Variants in GRM8 observed in about 807,000 individuals in gnomAD.
The protein encoded by GRM8 is glutamate metabotropic receptor 8.
A neutral mutation model predicts 87.2 loss-of-function variants in GRM8; 47 were observed. That is an observed-to-expected ratio of 0.54 (90% CI 0.43 to 0.69). The LOEUF (loss-of-function observed/expected upper bound fraction) is 0.69, where lower values mean the gene tolerates loss of function less well. GRM8 is among the 30% of genes least tolerant of loss of function. GRM8 has a pLI of 0.00. For synonymous variants in GRM8, 396 were observed against 404.5 expected (o/e 0.98, Z 0.25); for missense variants, 1,019 against 1,139.2 (o/e 0.89, Z 1.52).
At chr7:126,952,235 T>C (rs983650748) in intron 3 of GRM8, among the ~76,000 whole-genome samples, 3 of 152,100 alleles carry the variant, frequency 2.0e-5, no homozygotes, top group Middle Eastern at 3.4e-3. Flanking sequence ...AGTTAAATAA[T>C]AATATTAGAA....
intron 7 of GRM8, among the ~76,000 whole-genome samples, chr7:126,676,579 C>A (rs1806976009): frequency 6.6e-6 from 1 of 152,098 alleles, no homozygotes. Flanking sequence ...CAAATACTTA[C>A]AACCAACTGA....
At chr7:126,498,118 G>A (rs1809054553) in intron 9 of GRM8, among the ~76,000 whole-genome samples, 1 of 151,892 alleles carries the variant, frequency 6.6e-6, no homozygotes, top group Non-Finnish European at 1.5e-5. Flanking sequence ...CATGATGAGA[G>A]GTGGGGTCTG....
At chr7:126,912,264 A>G (rs1373327316) in intron 3 of GRM8, among the ~76,000 whole-genome samples, 1 of 152,188 alleles carries the variant, frequency 6.6e-6, no homozygotes, top group Non-Finnish European at 1.5e-5. Flanking sequence ...GAATTAGTGG[A>G]CTGAATAAAG....
At chr7:126,799,404 C>A (rs1416920957) in intron 6 of GRM8, among the ~76,000 whole-genome samples, 2 of 152,088 alleles carry the variant, frequency 1.3e-5, no homozygotes, top group Non-Finnish European at 2.9e-5. Flanking sequence ...GCATGTTGGT[C>A]TGATGAAGAT....
chr7:126,739,338 G>A (rs1329440395), intron 7 of GRM8, among the ~76,000 whole-genome samples: 2 of 151,860 alleles, frequency 1.3e-5, no homozygotes, highest in African/African-American at 4.8e-5. Context: ...AGTGAGAACA[G>A]GAGCAGTAGC....
intron 2 of GRM8, among the ~76,000 whole-genome samples, chr7:127,167,470 T>C (rs1793523157): frequency 6.6e-6 from 1 of 152,142 alleles, no homozygotes; most frequent in Non-Finnish European, 1.5e-5. Flanking sequence ...ATTTAAGGTC[T>C]GTGGCAACCT....
intron 6 of GRM8, among the ~76,000 whole-genome samples, chr7:126,883,527 GAT>G (rs1800206198): frequency 6.6e-6 from 1 of 152,246 alleles, no homozygotes; most frequent in Non-Finnish European, 1.5e-5. Context: ...AGGGATATAA[GAT>G]AAATAATCTC....
intron 2 of GRM8, among the ~76,000 whole-genome samples, chr7:127,117,308 A>G (rs1587068015): frequency 6.6e-6 from 1 of 152,234 alleles, no homozygotes; most frequent in East Asian, 1.9e-4. Flanking sequence ...ACAAGGTAAT[A>G]TATATTTTCT....
intron 7 of GRM8, among the ~76,000 whole-genome samples, chr7:126,678,254 T>G (rs1807197454): frequency 6.6e-6 from 1 of 152,260 alleles, no homozygotes; most frequent in East Asian, 1.9e-4. Flanking sequence ...CTTTACAGTT[T>G]ATTTTTTATA....
intron 3 of GRM8, among the ~76,000 whole-genome samples, chr7:127,094,920 G>C (rs1011914544): frequency 2.0e-5 from 3 of 152,136 alleles, no homozygotes; most frequent in African/African-American, 7.2e-5. Context: ...TTATTCATTT[G>C]TATGACACTA....
intron 8 of GRM8, among the ~76,000 whole-genome samples, chr7:126,601,019 GC>G (rs1449984555): frequency 6.6e-6 from 1 of 151,494 alleles, no homozygotes; most frequent in African/African-American, 2.4e-5. Flanking sequence ...CCATGCTGGT[GC>G]GCTGCACCCA....
At chr7:126,656,744 T>G (rs535838518) in intron 7 of GRM8, among the ~76,000 whole-genome samples, 2,274 of 152,020 alleles carry the variant, frequency 0.015, 71 homozygotes, top group African/African-American at 0.052. Flanking sequence ...AGTTAACAGT[T>G]GGACAGAGAG....
At chr7:126,800,970 T>A (rs1359790159) in intron 6 of GRM8, among the ~76,000 whole-genome samples, 1 of 151,986 alleles carries the variant, frequency 6.6e-6, no homozygotes. Flanking sequence ...ATATTGTATA[T>A]GGAAAAAGCT....
intron 9 of GRM8, among the ~76,000 whole-genome samples, chr7:126,450,798 C>A (rs1480409061): frequency 6.6e-6 from 1 of 151,888 alleles, no homozygotes; most frequent in Non-Finnish European, 1.5e-5. Flanking sequence ...AGCCTGAAAC[C>A]ACTACCAAGC....
intron 7 of GRM8, among the ~76,000 whole-genome samples, chr7:126,722,896 A>T (rs1325743070): frequency 2.3e-5 from 1 of 44,176 alleles, no homozygotes; most frequent in Non-Finnish European, 3.7e-5. Flanking sequence ...GTGAAAAAAA[A>T]TATATATAAT....
At chr7:127,109,214 G>GT (rs1479806402) in intron 2 of GRM8, among the ~76,000 whole-genome samples, 1 of 152,092 alleles carries the variant, frequency 6.6e-6, no homozygotes, top group Non-Finnish European at 1.5e-5. Context: ...GGAAAAAAAG[G>GT]TGGTGAATGG....
chr7:126,923,185 A>T (rs1804716716), intron 3 of GRM8, among the ~76,000 whole-genome samples: 1 of 152,134 alleles, frequency 6.6e-6, no homozygotes, highest in African/African-American at 2.4e-5. Flanking sequence ...TCTTATGCTG[A>T]TTGCTTATTT....
chr7:127,165,489 A>G (rs1793399519), intron 2 of GRM8, among the ~76,000 whole-genome samples: 1 of 151,978 alleles, frequency 6.6e-6, no homozygotes, highest in Non-Finnish European at 1.5e-5. Flanking sequence ...TTCACATCGT[A>G]AACCTTCAGC....
chr7:126,797,363 T>C (rs1322762590), intron 6 of GRM8, among the ~76,000 whole-genome samples: 7 of 152,178 alleles, frequency 4.6e-5, no homozygotes, highest in African/African-American at 1.7e-4. Flanking sequence ...ATCTATTATT[T>C]ACATTTTTAA....
Sources: gnomAD v4.1 joint callset for allele counts (sites outside exome capture counted in the v4.1 genomes callset) on GRCh38, gnomAD v4.1.1 for gene constraint, MANE v1.5 for transcripts, NCBI Gene and HGNC (gene_info 2026-07-23, HGNC 2026-07-21) for gene names.